The following RBMS3 variants were observed in gnomAD, a reference collection of about 807,000 sequenced individuals.
RBMS3 encodes RNA-binding motif, single-stranded-interacting protein 3.
RBMS3 carries 27 observed loss-of-function variants against 66.8 expected under a neutral mutation model. The ratio of observed to expected loss-of-function variants is 0.40; its 90% CI spans 0.30 to 0.56. RBMS3 has a LOEUF of 0.56. Ranked by LOEUF, RBMS3 falls within the 20% of genes least tolerant of loss-of-function variation. The pLI, the probability that RBMS3 is intolerant of heterozygous loss-of-function variation, is 0.40. For synonymous variants in RBMS3, 188 were observed against 183.0 expected (o/e 1.03, Z -0.22); for missense variants, 513 against 549.5 (o/e 0.93, Z 0.66).
chr3:29,902,967 G>A (rs983893853), intron 10 of RBMS3, among the ~76,000 whole-genome samples: 40 of 151,792 alleles, frequency 2.6e-4, no homozygotes, highest in African/African-American at 8.7e-4. Flanking sequence ...AAACTGGAGG[G>A]GCAACAACTG....
At chr3:29,477,050 C>T (rs2042971328) in intron 2 of RBMS3, among the ~76,000 whole-genome samples, 2 of 152,186 alleles carry the variant, frequency 1.3e-5, no homozygotes, top group African/African-American at 4.8e-5. Context: ...GCAGCTGCTA[C>T]AGTACACGGA....
chr3:29,813,906 T>A (rs1161294235), intron 6 of RBMS3, among the ~76,000 whole-genome samples: 1 of 152,182 alleles, frequency 6.6e-6, no homozygotes, highest in Non-Finnish European at 1.5e-5. Flanking sequence ...TTTCTAGATA[T>A]ACAATCATGT....
At chr3:29,841,369 A>G (rs1028914787) in intron 6 of RBMS3, among the ~76,000 whole-genome samples, 1 of 152,004 alleles carries the variant, frequency 6.6e-6, no homozygotes, top group Non-Finnish European at 1.5e-5. Context: ...CCTCTTTTCT[A>G]CGTTTTTTAT....
chr3:29,770,955 C>G (rs58154559), intron 6 of RBMS3, among the ~76,000 whole-genome samples: 10,738 of 152,068 alleles, frequency 0.071, 1,241 homozygotes, highest in African/African-American at 0.24. Context: ...ATACTTGCAA[C>G]TCTCTCCTTG....
intron 8 of RBMS3, among the ~76,000 whole-genome samples, chr3:29,889,504 A>G (rs73831081): frequency 0.022 from 3,398 of 151,698 alleles, 127 homozygotes; most frequent in African/African-American, 0.078. Context: ...CCCATTGTCC[A>G]TACTTTAGTT....
chr3:29,720,015 C>T (rs1371844), intron 4 of RBMS3, among the ~76,000 whole-genome samples: 48,822 of 151,624 alleles, frequency 0.32, 7,988 homozygotes, highest in South Asian at 0.41. Flanking sequence ...AGCATAATCC[C>T]AATTCACAGT....
chr3:29,946,418 CTT>C (rs1393560293), intron 12 of RBMS3, among the ~76,000 whole-genome samples: 1 of 151,606 alleles, frequency 6.6e-6, no homozygotes, highest in Non-Finnish European at 1.5e-5. Flanking sequence ...AGATACATAA[CTT>C]AATTTCATTC....
At chr3:29,606,135 GTC>G (rs1576346317) in intron 4 of RBMS3, among the ~76,000 whole-genome samples, 1 of 151,718 alleles carries the variant, frequency 6.6e-6, no homozygotes, top group African/African-American at 2.4e-5. Context: ...TATTCCTTAA[GTC>G]TTTAGGTTGC....
chr3:29,444,975 C>T (rs1559367106), intron 2 of RBMS3, among the ~76,000 whole-genome samples: 1 of 151,112 alleles, frequency 6.6e-6, no homozygotes, highest in Non-Finnish European at 1.5e-5. Context: ...GTTTCCTTCC[C>T]TCCCTACTCC....
chr3:29,281,630 C>G lies in RBMS3; in HGVS notation c.-52C>G. 1.4e-6 allele frequency: 2 copies of G among 1,472,862 alleles called. No individual in the cohort carries two copies. Among genetic ancestry groups the G allele is most frequent in the Non-Finnish European group, 1.9e-6 (2 of 1,052,116 alleles). 91.2% of individuals were successfully genotyped at this position (1,472,862 alleles called of 1,614,324 possible). A position where few individuals can be genotyped will look rare whatever the true frequency, so the allele number is the denominator to read the frequency against. ...GTTTAAGAGGAAGCTCGGCCTGGGG[C>G]ACTATACCCTGTCATCCAGTTCCCT... On this transcript the variant is annotated 5_prime_UTR_variant, in exon 1 of 15. Coordinates refer to ENST00000383767, the MANE Select transcript of RBMS3 (RefSeq NM_001003793.3).
intron 12 of RBMS3, among the ~76,000 whole-genome samples, chr3:29,980,824 G>A (rs1290376397): frequency 6.6e-6 from 1 of 152,122 alleles, no homozygotes; most frequent in African/African-American, 2.4e-5. Context: ...TGCTGTTTTG[G>A]TTACTGTAGC....
intron 5 of RBMS3, among the ~76,000 whole-genome samples, chr3:29,744,768 T>G (rs2054805482): frequency 6.9e-6 from 1 of 144,952 alleles, no homozygotes; most frequent in Non-Finnish European, 1.5e-5. Flanking sequence ...CGCACGATAG[T>G]GTAAGACTCC....
intron 3 of RBMS3, among the ~76,000 whole-genome samples, chr3:29,511,671 C>A (rs1422876768): frequency 6.6e-6 from 1 of 151,976 alleles, no homozygotes; most frequent in Non-Finnish European, 1.5e-5. Context: ...ACTCATAGGA[C>A]CATCATACAT....
chr3:29,810,954 A>G (rs2057712884), intron 6 of RBMS3, among the ~76,000 whole-genome samples: 1 of 151,996 alleles, frequency 6.6e-6, no homozygotes, highest in South Asian at 2.1e-4. Flanking sequence ...ATTTTCCCAA[A>G]CTCATTTCTT....
intron 10 of RBMS3, among the ~76,000 whole-genome samples, chr3:29,903,615 A>G (rs1269728841): frequency 6.6e-6 from 1 of 152,018 alleles, no homozygotes; most frequent in African/African-American, 2.4e-5. Flanking sequence ...ACTGACAAGG[A>G]GAAAAGATGA....
intron 4 of RBMS3, among the ~76,000 whole-genome samples, chr3:29,683,427 C>G (rs1452600072): frequency 1.3e-5 from 2 of 152,026 alleles, no homozygotes; most frequent in Non-Finnish European, 2.9e-5. Context: ...CCAAATTGAA[C>G]AATAGCAGTG....
chr3:29,291,916 A>G (rs1242559855), intron 1 of RBMS3, among the ~76,000 whole-genome samples: 2 of 151,714 alleles, frequency 1.3e-5, no homozygotes, highest in Non-Finnish European at 1.5e-5. Context: ...CTTCATTTTC[A>G]TTCTTATCCC....
At chr3:29,553,808 T>TAAAA (rs10634860) in intron 3 of RBMS3, among the ~76,000 whole-genome samples, 98 of 142,286 alleles carry the variant, frequency 6.9e-4, no homozygotes, top group Middle Eastern at 3.8e-3. Flanking sequence ...ACTGGCTAAT[T>TAAAA]AAAAAAAAAA....
At chr3:29,291,698 TC>T in intron 1 of RBMS3, among the ~76,000 whole-genome samples, 1 of 151,910 alleles carries the variant, frequency 6.6e-6, no homozygotes, top group Admixed American at 6.6e-5. Flanking sequence ...TTCTTCCTTT[TC>T]CCCAGTTCCC....
Sources: gnomAD v4.1 joint callset for allele counts (sites outside exome capture counted in the v4.1 genomes callset) on GRCh38, gnomAD v4.1.1 for gene constraint, MANE v1.5 for transcripts, NCBI Gene and HGNC (gene_info 2026-07-23, HGNC 2026-07-21) for gene names.